The following GPAM variants were observed in gnomAD, a reference collection of about 807,000 sequenced individuals.
GPAM encodes glycerol-3-phosphate acyltransferase, mitochondrial, also known as glycerol-3-phosphate acyltransferase 1, mitochondrial.
A neutral mutation model predicts 105.0 loss-of-function variants in GPAM; 56 were observed. That is an observed-to-expected ratio of 0.53 (90% CI 0.43 to 0.67). The LOEUF is 0.67. Among genes scored for constraint, GPAM ranks in the 30% least tolerant of loss-of-function variants. GPAM has a pLI of 0.00. For synonymous variants in GPAM, 368 were observed against 354.4 expected (o/e 1.04, Z -0.43); for missense variants, 855 against 989.8 (o/e 0.86, Z 1.83).
rs138008636 is a variant in GPAM at position 112,150,016 on chromosome 10, G to T, written c.*3534C>A. On this transcript the variant is annotated 3_prime_UTR_variant, in exon 22 of 22. Transcript: ENST00000348367. ...AGTACCTTATAGTAATTCTTTTCAC[G>T]AGTCTTAACATTTCTTTGTACAACA... The T allele has an allele frequency of 4.1e-6, 4 of 983,628 alleles. No homozygotes were observed. In the African/African-American group the frequency reaches 7.0e-5, roughly 17 times the overall value. The allele number at this position is 983,628 out of a possible 1,614,324, so 60.9% of individuals were successfully genotyped here.
chr10:112,207,612 T>C (rs530968559), intron 1 of GPAM, among the ~76,000 whole-genome samples: 1 of 152,200 alleles, frequency 6.6e-6, no homozygotes, highest in Non-Finnish European at 1.5e-5. Flanking sequence ...TAAGTAGACA[T>C]ATTAGGTCAT....
At chr10:112,186,803 G>A (rs1042918566), upstream of GPAM, among the ~76,000 whole-genome samples, 3 of 152,064 alleles carry the variant, frequency 2.0e-5, no homozygotes, top group Admixed American at 6.6e-5. Context: ...CGCCTGCCTC[G>A]ACCTCCCAAA....
chr10:112,218,365 G>GGT (rs1322919721), upstream of GPAM, among the ~76,000 whole-genome samples: 1 of 152,214 alleles, frequency 6.6e-6, no homozygotes, highest in Non-Finnish European at 1.5e-5. Flanking sequence ...GAGATGGAGA[G>GGT]GACTTCACTG....
chr10:112,177,205 A>T (rs1353906399), intron 5 of GPAM, among the ~76,000 whole-genome samples: 1 of 152,236 alleles, frequency 6.6e-6, no homozygotes, highest in African/African-American at 2.4e-5. Flanking sequence ...AAGTATTATC[A>T]TTCTCATATG....
chr10:112,209,144 T>C (rs186857756), intron 1 of GPAM, among the ~76,000 whole-genome samples: 11 of 152,280 alleles, frequency 7.2e-5, no homozygotes, highest in Non-Finnish European at 1.5e-4. Context: ...GCCTGTTGAA[T>C]TACCAGTCTC....
rs112421761 is a variant in GPAM at position 112,210,919 on chromosome 10, C to A, written n.210+4249G>T. On this transcript the variant is annotated intron_variant and non_coding_transcript_variant, in intron 1 of 3. Transcript: ENST00000480130. ...GCCAAGGAACAGACCTAGGCCTATT[C>A]TCAAATCTTCAGCTCCCTGCTGCCC... 3.7e-3 allele frequency among the ~76,000 whole-genome samples: 560 copies of A among 152,356 alleles called. 5 individuals carry two copies. The highest frequency in any genetic ancestry group is 0.02 in the Middle Eastern group (6 of 294).
Position 112,175,581 on chromosome 10 carries a change from C to A in GPAM, c.413+19G>T. 7.5e-7 allele frequency: 1 copy of A among 1,341,274 alleles called. No homozygotes were observed. The highest frequency in any genetic ancestry group is 1.2e-5 in the South Asian group (1 of 85,602). 83.1% of individuals were successfully genotyped at this position (1,341,274 alleles called of 1,614,324 possible). On this transcript the variant is annotated intron_variant, in intron 6 of 21. Coordinates refer to ENST00000348367, the MANE Select transcript of GPAM (RefSeq NM_001244949.2). ...CCATCCCTGCCTCTTCCCACCTTTA[C>A]ACCTTGCCCCGCCCTTACCTACTGC... is the stretch of plus-strand genomic sequence containing the variant.
chr10:112,186,328 AT>A (rs1453887303), upstream of GPAM, among the ~76,000 whole-genome samples: 16 of 151,638 alleles, frequency 1.1e-4, no homozygotes, highest in Non-Finnish European at 2.4e-4. Context: ...TATCAAAAAA[AT>A]AAAATAAAAA....
upstream of GPAM, among the ~76,000 whole-genome samples, chr10:112,216,985 T>C (rs889681759): frequency 7.9e-5 from 12 of 151,806 alleles, no homozygotes; most frequent in Non-Finnish European, 1.5e-4. Context: ...AAAATTGATA[T>C]ATAACGTCTC....
chr10:112,181,823 A>T lies in GPAM; in HGVS notation c.-29-10T>A, dbSNP rs193157872. 9.1e-7 allele frequency: 1 copy of T among 1,094,190 alleles called. No homozygotes were observed. Among genetic ancestry groups the T allele is most frequent in the Admixed American group, 1.7e-5 (1 of 59,370 alleles). The allele number at this position is 1,094,190 out of a possible 1,614,324, so 67.8% of individuals were successfully genotyped here. A position where few individuals can be genotyped will look rare whatever the true frequency, so the allele number is the denominator to read the frequency against. Reference sequence around the variant, plus strand: ...ATTCCCAAATCATGTGCTATAAAAAATAGGTACCATTTAAATTAACAAGGA... The same window carrying T: ...ATTCCCAAATCATGTGCTATAAAAATTAGGTACCATTTAAATTAACAAGGA... On this transcript the variant is annotated splice_polypyrimidine_tract_variant and intron_variant, in intron 2 of 21. Coordinates refer to ENST00000348367, the MANE Select transcript of GPAM (RefSeq NM_001244949.2).
chr10:112,186,420 G>T (rs937048677), upstream of GPAM, among the ~76,000 whole-genome samples: 30 of 150,242 alleles, frequency 2.0e-4, no homozygotes, highest in African/African-American at 7.1e-4. Context: ...AGTCTTTCAG[G>T]CAAAAAAAAA....
At chr10:112,166,347 G>T in intron 12 of GPAM, 55 bp downstream of exon 12, 1 of 924,868 alleles carries the variant, frequency 1.1e-6, no homozygotes. Flanking sequence ...CAGCACTGGA[G>T]CCTCCTGACT....
At chr10:112,226,970 A>G in the GPAM span, among the ~76,000 whole-genome samples, 1 of 151,960 alleles carries the variant, frequency 6.6e-6, no homozygotes, top group East Asian at 1.9e-4. Context: ...GGGGTTTTAG[A>G]CCCTGGACCC....
intron 4 of GPAM, 119 bp downstream of exon 4, chr10:112,180,354 G>C (rs1054608984): frequency 1.3e-5 from 12 of 905,078 alleles, no homozygotes; most frequent in Non-Finnish European, 1.1e-5. Context: ...GAAATATTTG[G>C]TTCATAAACA....
At chr10:112,222,655 G>T in the GPAM span, among the ~76,000 whole-genome samples, 1 of 152,126 alleles carries the variant, frequency 6.6e-6, no homozygotes, top group Non-Finnish European at 1.5e-5. Flanking sequence ...CATTGTTCCT[G>T]ATAACTTCAG....
intron 19 of GPAM, chr10:112,157,011 T>C (rs1442346964): frequency 3.3e-6 from 2 of 610,508 alleles, no homozygotes; most frequent in African/African-American, 3.7e-5. Flanking sequence ...AAAAGGATGG[T>C]GAAAGTCTCA....
Position 112,150,906 on chromosome 10 carries a change from C to A in GPAM, c.*2644G>T. ...ATTGTAATCCCAGAAATATTTTCTC[C>A]ATTTACCCTCATGACTTTGTGAAAT... is the stretch of plus-strand genomic sequence containing the variant. On this transcript the variant is annotated 3_prime_UTR_variant, in exon 22 of 22. Transcript: ENST00000348367. The A allele has an allele frequency of 1.0e-6, 1 of 985,338 alleles. No individual in the cohort carries two copies. Among genetic ancestry groups the A allele is most frequent in the South Asian group, 4.7e-5 (1 of 21,292 alleles). 61.0% of individuals were successfully genotyped at this position (985,338 alleles called of 1,614,324 possible).
At chr10:112,169,666 T>C (rs1847279755) in intron 9 of GPAM, among the ~76,000 whole-genome samples, 1 of 152,192 alleles carries the variant, frequency 6.6e-6, no homozygotes, top group African/African-American at 2.4e-5. Context: ...TTAATATATA[T>C]TTTTGGTATC....
chr10:112,214,029 A>C (rs772131530), intron 1 of GPAM, among the ~76,000 whole-genome samples: 2 of 152,152 alleles, frequency 1.3e-5, no homozygotes, highest in Admixed American at 6.5e-5. Context: ...ACTCTGGATA[A>C]TCTCAGGAAA....
Sources: allele counts gnomAD v4.1 joint callset (sites outside exome capture counted in the v4.1 genomes callset), GRCh38; gene constraint gnomAD v4.1.1; transcripts MANE v1.5; gene names NCBI Gene and HGNC (gene_info 2026-07-23, HGNC 2026-07-21).